DRC11: variants seen among roughly 807,000 people sequenced by gnomAD.
DRC11 encodes the protein IQ and AAA domain-containing protein 1.
At chr2:236,377,784 C>A in the DRC11 span, among the ~76,000 whole-genome samples, 2 of 152,068 alleles carry the variant, frequency 1.3e-5, no homozygotes, top group Non-Finnish European at 2.9e-5. The surrounding 1 kb of genome is among the most constrained non-coding windows in gnomAD (Gnocchi z 4.9). Context: ...TCTAAAAGGA[C>A]CTTGAGCATA....
the DRC11 span, among the ~76,000 whole-genome samples, chr2:236,446,302 A>G: frequency 6.6e-6 from 1 of 152,072 alleles, no homozygotes; most frequent in Non-Finnish European, 1.5e-5. This position sits in a 1 kb window ranked among gnomAD's most constrained non-coding sequence, Gnocchi z 6.2. Context: ...CAGAGGGGAG[A>G]GGGCAGATGA....
the DRC11 span, among the ~76,000 whole-genome samples, chr2:236,353,250 C>T: frequency 5.9e-5 from 9 of 152,252 alleles, 1 homozygote; most frequent in South Asian, 2.1e-4. The surrounding 1 kb of genome is among the most constrained non-coding windows in gnomAD (Gnocchi z 5.0). Flanking sequence ...GAGGGCTCTT[C>T]GCTACTATCA....
At chr2:236,352,931 G>A in the DRC11 span, among the ~76,000 whole-genome samples, 1 of 152,150 alleles carries the variant, frequency 6.6e-6, no homozygotes, top group African/African-American at 2.4e-5. The surrounding 1 kb of genome is among the most constrained non-coding windows in gnomAD (Gnocchi z 7.0). Context: ...TGGACATTCT[G>A]TGCGTGTCGT....
At chr2:236,445,594 C>T in the DRC11 span, among the ~76,000 whole-genome samples, 2 of 152,096 alleles carry the variant, frequency 1.3e-5, 1 homozygote, top group South Asian at 4.2e-4. The surrounding 1 kb of genome is among the most constrained non-coding windows in gnomAD (Gnocchi z 4.8). Context: ...CCTACCCCAG[C>T]CTCCCAAAGT....
At chr2:236,421,459 G>A in the DRC11 span, among the ~76,000 whole-genome samples, 5 of 146,420 alleles carry the variant, frequency 3.4e-5, no homozygotes, top group Admixed American at 6.8e-5. Flanking sequence ...AGAAAATCTA[G>A]AAGAAATGGA....
chr2:236,396,076 G>C, the DRC11 span, among the ~76,000 whole-genome samples: 1 of 152,062 alleles, frequency 6.6e-6, no homozygotes, highest in African/African-American at 2.4e-5. Context: ...TAAATGGATT[G>C]AGTTTTCCAC....
chr2:236,384,577 T>C, the DRC11 span, among the ~76,000 whole-genome samples: 1 of 152,120 alleles, frequency 6.6e-6, no homozygotes, highest in African/African-American at 2.4e-5. Context: ...GTCAGATGAG[T>C]AGGTTGCGAA....
At chr2:236,335,368 G>A in the DRC11 span, among the ~76,000 whole-genome samples, 1 of 152,304 alleles carries the variant, frequency 6.6e-6, no homozygotes, top group African/African-American at 2.4e-5. The surrounding 1 kb of genome is among the most constrained non-coding windows in gnomAD (Gnocchi z 5.6). Flanking sequence ...CCAGAATGGC[G>A]GCCTGAACAC....
chr2:236,443,379 A>T, the DRC11 span, among the ~76,000 whole-genome samples: 1 of 152,106 alleles, frequency 6.6e-6, no homozygotes, highest in African/African-American at 2.4e-5. This position sits in a 1 kb window ranked among gnomAD's most constrained non-coding sequence, Gnocchi z 4.4. Context: ...GTGTCCACGT[A>T]TGTTGATCCC....
At chr2:236,392,515 G>A in the DRC11 span, 2 of 435,678 alleles carry the variant, frequency 4.6e-6, no homozygotes, top group South Asian at 5.6e-5. This position sits in a 1 kb window ranked among gnomAD's most constrained non-coding sequence, Gnocchi z 5.1. Context: ...AAAATAAGCT[G>A]GACAGATGAG....
the DRC11 span, among the ~76,000 whole-genome samples, chr2:236,466,408 T>C: frequency 6.6e-6 from 1 of 152,248 alleles, no homozygotes; most frequent in Non-Finnish European, 1.5e-5. Context: ...CTGGTTTCTC[T>C]GTTTACCCTT....
chr2:236,497,314 T>C, the DRC11 span: 3 of 1,614,004 alleles, frequency 1.9e-6, no homozygotes, highest in Non-Finnish European at 2.5e-6. The surrounding 1 kb of genome is among the most constrained non-coding windows in gnomAD (Gnocchi z 5.1). Flanking sequence ...GTGGACGAAC[T>C]GGTCGTAGAC....
At chr2:236,491,407 T>C in the DRC11 span, among the ~76,000 whole-genome samples, 2 of 151,152 alleles carry the variant, frequency 1.3e-5, no homozygotes, top group African/African-American at 2.4e-5. Flanking sequence ...GGAGATGAAG[T>C]ACTTAACCCA....
At chr2:236,415,182 CAT>C in the DRC11 span, among the ~76,000 whole-genome samples, 1 of 151,958 alleles carries the variant, frequency 6.6e-6, no homozygotes, top group Admixed American at 6.6e-5. The surrounding 1 kb of genome is among the most constrained non-coding windows in gnomAD (Gnocchi z 5.7). Flanking sequence ...TTTCAACTAA[CAT>C]ATTAATATTT....
the DRC11 span, among the ~76,000 whole-genome samples, chr2:236,445,680 G>T: frequency 2.6e-5 from 4 of 151,842 alleles, no homozygotes; most frequent in African/African-American, 9.7e-5. The surrounding 1 kb of genome is among the most constrained non-coding windows in gnomAD (Gnocchi z 4.8). Flanking sequence ...CCTTTGTCAT[G>T]TTAGTTTATA....
the DRC11 span, chr2:236,465,643 C>T: frequency 1.8e-4 from 290 of 1,613,734 alleles, no homozygotes; most frequent in African/African-American, 2.3e-3. The surrounding 1 kb of genome is among the most constrained non-coding windows in gnomAD (Gnocchi z 6.2). Context: ...CACCTCATTC[C>T]GCAGGCGGTC....
At chr2:236,412,080 G>T in the DRC11 span, among the ~76,000 whole-genome samples, 12 of 152,006 alleles carry the variant, frequency 7.9e-5, no homozygotes, top group Admixed American at 7.9e-4. Context: ...TTGTTTGTAG[G>T]GATGGGGGTC....
At chr2:236,371,562 A>G in the DRC11 span, among the ~76,000 whole-genome samples, 2 of 152,144 alleles carry the variant, frequency 1.3e-5, no homozygotes, top group South Asian at 4.1e-4. The surrounding 1 kb of genome is among the most constrained non-coding windows in gnomAD (Gnocchi z 5.1). Flanking sequence ...CCGTGTTGTC[A>G]GCGCACACCG....
At chr2:236,487,309 G>C in the DRC11 span, among the ~76,000 whole-genome samples, 1 of 152,170 alleles carries the variant, frequency 6.6e-6, no homozygotes, top group Non-Finnish European at 1.5e-5. Flanking sequence ...TATTCCCACA[G>C]AAACCCGAAA....
Sources: allele counts gnomAD v4.1 joint callset (sites outside exome capture counted in the v4.1 genomes callset), GRCh38; gene constraint gnomAD v4.1.1; non-coding constraint Gnocchi (gnomAD v3.1); transcripts MANE v1.5; gene names NCBI Gene and HGNC (gene_info 2026-07-23, HGNC 2026-07-21).